Variants in CEP112 observed in about 807,000 individuals in gnomAD.
CEP112 encodes the protein centrosomal protein 112.
Under a neutral mutation model 153.0 loss-of-function variants are expected in CEP112, and 127 were observed. The observed-to-expected ratio is 0.83, with a 90% CI of 0.72 to 0.96. CEP112 has a LOEUF of 0.96. Ranked by LOEUF, CEP112 falls within the 40% of genes least tolerant of loss-of-function variation. The probability of loss-of-function intolerance (pLI) is 0.00; values close to 1 mark genes in which losing one functional copy is unlikely to be tolerated. For synonymous variants in CEP112, 358 were observed against 374.4 expected (o/e 0.96, Z 0.51); for missense variants, 1,089 against 1,101.2 (o/e 0.99, Z 0.16).
intron 21 of CEP112, among the ~76,000 whole-genome samples, chr17:65,778,953 T>C (rs984524442): frequency 2.0e-5 from 3 of 152,044 alleles, no homozygotes; most frequent in Non-Finnish European, 4.4e-5. Flanking sequence ...TGAGCTATGA[T>C]TGCACCACTA....
intron 21 of CEP112, among the ~76,000 whole-genome samples, chr17:65,836,615 C>T (rs896185024): frequency 1.4e-4 from 21 of 152,036 alleles, no homozygotes; most frequent in Admixed American, 1.4e-3. Flanking sequence ...AACACTATAG[C>T]ACCCAAATAT....
At chr17:65,928,021 AT>A (rs1367098760) in intron 18 of CEP112, among the ~76,000 whole-genome samples, 1 of 152,198 alleles carries the variant, frequency 6.6e-6, no homozygotes, top group Non-Finnish European at 1.5e-5. Flanking sequence ...ATATTTCCAA[AT>A]CATATCTCTA....
At chr17:65,970,829 A>G (rs1355342299) in intron 17 of CEP112, among the ~76,000 whole-genome samples, 1 of 152,282 alleles carries the variant, frequency 6.6e-6, no homozygotes, top group Non-Finnish European at 1.5e-5. Flanking sequence ...TATTGCATGC[A>G]TGCACATTAC....
At chr17:65,716,867 C>A (rs1016425849) in intron 23 of CEP112, among the ~76,000 whole-genome samples, 1 of 152,130 alleles carries the variant, frequency 6.6e-6, no homozygotes, top group Non-Finnish European at 1.5e-5. Context: ...TTCCAAGGCC[C>A]TTGCTAGGAA....
intron 14 of CEP112, 68 bp from the exon 15 acceptor site, chr17:66,028,473 G>T: frequency 1.2e-6 from 1 of 802,160 alleles, no homozygotes; most frequent in South Asian, 2.6e-5. Flanking sequence ...CTTTCTGATT[G>T]AAAAAATATG....
chr17:65,909,726 G>A (rs2060214071), intron 19 of CEP112, among the ~76,000 whole-genome samples: 1 of 152,032 alleles, frequency 6.6e-6, no homozygotes, highest in African/African-American at 2.4e-5. Context: ...GAACAAACAA[G>A]GAAAGAAGAA....
chr17:65,846,491 C>CA (rs1284676357), intron 21 of CEP112, among the ~76,000 whole-genome samples: 1 of 152,176 alleles, frequency 6.6e-6, no homozygotes, highest in African/African-American at 2.4e-5. Context: ...GTGGATAAAT[C>CA]AATAACAGTT....
intron 17 of CEP112, among the ~76,000 whole-genome samples, chr17:65,971,404 T>C (rs938455468): frequency 7.4e-5 from 4 of 54,382 alleles, no homozygotes; most frequent in Non-Finnish European, 3.9e-5. Flanking sequence ...GCATGTATAT[T>C]GCACCCATGC....
At position 65,965,518 on chromosome 17, in the gene CEP112, C is replaced by CCTTTT. The variant is rs1555734627; in HGVS notation, c.1737-3921_1737-3920insAAAAG. 1.8e-4 allele frequency among the ~76,000 whole-genome samples: 22 copies of CCTTTT among 122,070 alleles called. 4 individuals carry two copies. The highest frequency in any genetic ancestry group is 3.4e-4 in the Admixed American group (4 of 11,684). The allele number at this position is 122,070 out of a possible 152,430, so 80.1% of individuals were successfully genotyped here. A position where few individuals can be genotyped will look rare whatever the true frequency, so the allele number is the denominator to read the frequency against. On this transcript the variant is annotated intron_variant, in intron 17 of 26. Transcript: ENST00000535342. ...CTAATATTTAGAAACCTTCTGCCCCCTTTTTTTTTTTTTTTTTTCTTTGAG... is the reference window on the plus strand; with the variant it reads ...CTAATATTTAGAAACCTTCTGCCCCCCTTTTTTTTTTTTTTTTTTTTTTCTTTGAG...
In CEP112 at chr17:65,650,740, A is replaced by AAT. The variant is rs1381263111; in HGVS notation, c.2698-9676_2698-9675insAT. ...GTGAAAACTCTCTACTAAAAAAAAA[A>AAT]AAAAAAAAAAAAAAAAATTAGCTGG... is the stretch of plus-strand genomic sequence containing the variant. On this transcript the variant is annotated intron_variant, in intron 24 of 26. Coordinates refer to ENST00000535342, the MANE Select transcript of CEP112 (RefSeq NM_001199165.4). Among the ~76,000 whole-genome samples the AAT allele has an allele frequency of 9.8e-3, 1,473 of 149,718 alleles. 30 individuals carry two copies. Among genetic ancestry groups the AAT allele is most frequent in the African/African-American group, 0.023 (914 of 40,452 alleles).
At chr17:66,043,124 G>C (rs1018166984) in intron 12 of CEP112, 4 of 959,578 alleles carry the variant, frequency 4.2e-6, no homozygotes, top group Middle Eastern at 5.3e-4. Context: ...ATCATGGATG[G>C]AATTCAGACT....
At chr17:65,802,786 A>G (rs983660550) in intron 21 of CEP112, among the ~76,000 whole-genome samples, 6 of 152,144 alleles carry the variant, frequency 3.9e-5, no homozygotes, top group Non-Finnish European at 7.4e-5. Flanking sequence ...ACTCAGCCAA[A>G]TGCTTTATCT....
chr17:66,097,541 T>C (rs562831295), intron 6 of CEP112, among the ~76,000 whole-genome samples: 6 of 152,202 alleles, frequency 3.9e-5, no homozygotes, highest in Non-Finnish European at 8.8e-5. Context: ...AACCTGTACC[T>C]GATTCCACCT....
chr17:66,041,687 A>G (rs1451783368), intron 12 of CEP112, among the ~76,000 whole-genome samples: 1 of 152,212 alleles, frequency 6.6e-6, no homozygotes, highest in African/African-American at 2.4e-5. Context: ...GTCAAATGAA[A>G]GAGCTCCCAA....
chr17:66,054,065 C>A (rs1298885157), intron 11 of CEP112, among the ~76,000 whole-genome samples, 186 bp from the exon 12 acceptor site: 5 of 152,130 alleles, frequency 3.3e-5, no homozygotes, highest in African/African-American at 1.2e-4. Context: ...GATCAAGAAA[C>A]ACTTAATTTT....
intron 8 of CEP112, among the ~76,000 whole-genome samples, chr17:66,078,666 T>G (rs994976342): frequency 4.6e-5 from 7 of 151,998 alleles, no homozygotes; most frequent in Admixed American, 6.6e-5. Context: ...ATACTTTGGG[T>G]TTTTTTTAAT....
chr17:65,868,185 A>G (rs2058545404), intron 20 of CEP112, among the ~76,000 whole-genome samples: 1 of 152,118 alleles, frequency 6.6e-6, no homozygotes. Context: ...AAAATATCTC[A>G]TTTTACTTTT....
chr17:65,871,903 G>A (rs994320484), intron 20 of CEP112, among the ~76,000 whole-genome samples: 3 of 152,128 alleles, frequency 2.0e-5, no homozygotes, highest in Non-Finnish European at 2.9e-5. Flanking sequence ...AAAGCATCTT[G>A]GATGACTTTT....
chr17:65,937,313 A>C (rs2061346787), intron 18 of CEP112, among the ~76,000 whole-genome samples: 2 of 89,772 alleles, frequency 2.2e-5, no homozygotes. Context: ...CCCGGCCGCC[A>C]TCCCATCTAG....
Sources: allele counts gnomAD v4.1 joint callset (sites outside exome capture counted in the v4.1 genomes callset), GRCh38; gene constraint gnomAD v4.1.1; transcripts MANE v1.5; gene names NCBI Gene and HGNC (gene_info 2026-07-23, HGNC 2026-07-21).